Variants in HABP4 observed in about 807,000 individuals in gnomAD.
The protein encoded by HABP4 is hyaluronan binding protein 4.
A neutral mutation model predicts 44.1 loss-of-function variants in HABP4; 32 were observed. That is an observed-to-expected ratio of 0.73 (90% CI 0.55 to 0.97). The LOEUF is 0.97. Among genes scored for constraint, HABP4 ranks in the 50% least tolerant of loss-of-function variants. The pLI is 0.00. For missense variants in HABP4, 503 were observed against 561.9 expected, an observed-to-expected ratio of 0.90 and a Z score of 1.06; for synonymous variants, 216 against 218.0, an observed-to-expected ratio of 0.99 and a Z score of 0.08.
chr9:96,458,653 C>T (rs536723553), intron 2 of HABP4, 112 bp downstream of exon 2: 36 of 696,234 alleles, frequency 5.2e-5, no homozygotes, highest in African/African-American at 1.4e-4. Context: ...GAGACAGTTT[C>T]GCTCTTGTCG....
intron 5 of HABP4, among the ~76,000 whole-genome samples, chr9:96,481,742 C>A (rs1832883359): frequency 6.6e-6 from 1 of 151,876 alleles, no homozygotes. Flanking sequence ...TGAAACCCAG[C>A]CTGTATCAAA....
chr9:96,487,263 A>G (rs2131162003), intron 6 of HABP4, among the ~76,000 whole-genome samples: 1 of 147,728 alleles, frequency 6.8e-6, no homozygotes, highest in Non-Finnish European at 1.5e-5. Context: ...CTCATCTGAA[A>G]TCACTGACAT....
intron 1 of HABP4, among the ~76,000 whole-genome samples, chr9:96,454,913 A>G (rs1832348273): frequency 6.6e-6 from 1 of 152,146 alleles, no homozygotes; most frequent in Admixed American, 6.5e-5. Context: ...CTGGGGTTCA[A>G]GACCAGCCTG....
In HABP4 at chr9:96,450,626, C is replaced by G; in HGVS notation, c.347C>G (p.Pro116Arg). 1 of 1,263,906 alleles carries G rather than the reference C, an allele frequency of 7.9e-7. No individual in the cohort carries two copies. The highest frequency in any genetic ancestry group is 9.9e-7 in the Non-Finnish European group (1 of 1,005,304). The allele number at this position is 1,263,906 out of a possible 1,614,324, so 78.3% of individuals were successfully genotyped here. Reference protein sequence around the residue: ...PDSPGGGLQAPGQKRTPRRGE... With the variant: ...PDSPGGGLQARGQKRTPRRGE... The stretch of plus-strand genomic sequence containing the variant: ...AGCCCCGGGGGCGGCCTGCAGGCGC[C>G]GGGTACGCGGGGACAGCGGGGTTAG... The change falls in exon 1 of 8, where the codon CCG becomes CGG. Residue 116 changes from proline (P) to arginine (R), a missense_variant and splice_region_variant. Pro to Arg is a moderately radical substitution (Grantham distance 103, BLOSUM62 -2). Transcript: ENST00000375249. The surrounding 1 kb of genome is among the most constrained non-coding windows in gnomAD (Gnocchi z 4.8).
In HABP4 at chr9:96,485,802, G is replaced by T. The variant is rs1050797548; in HGVS notation, c.999+1169G>T. ...CGAGGTGGGAGTGAGCAGGTAGCAG[G>T]TTCTTCCTCTCTGTGGGGTATTAGT... On this transcript the variant is annotated intron_variant, in intron 6 of 7. Coordinates refer to ENST00000375249, the MANE Select transcript of HABP4 (RefSeq NM_014282.4). 1.2e-4 allele frequency among the ~76,000 whole-genome samples: 19 copies of T among 152,124 alleles called. 1 individual carries two copies. The highest frequency in any genetic ancestry group is 1.3e-4 in the Non-Finnish European group (9 of 68,034).
chr9:96,479,667 T>C (rs1159473435), intron 5 of HABP4, among the ~76,000 whole-genome samples: 2 of 151,970 alleles, frequency 1.3e-5, no homozygotes, highest in South Asian at 2.1e-4. Flanking sequence ...CCTGCCACCA[T>C]GCCCAGCTAA....
rs1427440442 is a variant in HABP4 at position 96,465,694 on chromosome 9, T to C, written c.675-16T>C. 6.4e-7 allele frequency: 1 copy of C among 1,556,846 alleles called. No homozygotes were observed. The highest frequency in any genetic ancestry group is 8.9e-7 in the Non-Finnish European group (1 of 1,127,894). Reference sequence around the variant, plus strand: ...GACTAGCTTCTGGTTTAAGGGACTATTCTTTCTTTCCGTAGAGCAGTCAGA... The same window carrying C: ...GACTAGCTTCTGGTTTAAGGGACTACTCTTTCTTTCCGTAGAGCAGTCAGA... On this transcript the variant is annotated splice_polypyrimidine_tract_variant and intron_variant, in intron 3 of 7. Coordinates refer to ENST00000375249, the MANE Select transcript of HABP4 (RefSeq NM_014282.4).
intron 1 of HABP4, among the ~76,000 whole-genome samples, chr9:96,455,350 G>T (rs543093853): frequency 1.3e-5 from 2 of 151,336 alleles, no homozygotes; most frequent in Admixed American, 6.6e-5. Context: ...TACCTGGGAG[G>T]CTGAGACTTG....
Position 96,490,214 on chromosome 9 carries a change from A to G in HABP4, c.*176A>G. 3.3e-6 allele frequency: 2 copies of G among 598,440 alleles called. No individual in the cohort carries two copies. Among genetic ancestry groups the G allele is most frequent in the African/African-American group, 3.7e-5 (2 of 53,908 alleles). 37.1% of individuals were successfully genotyped at this position (598,440 alleles called of 1,614,324 possible). ...AGAGGGGCTTCTCCAGAGGCTCGAG[A>G]GCAGGCCATTTCCCAAGAAGATGAA... On this transcript the variant is annotated 3_prime_UTR_variant, in exon 8 of 8. Coordinates refer to ENST00000375249, the MANE Select transcript of HABP4 (RefSeq NM_014282.4).
chr9:96,481,938 CT>C (rs112457385), intron 5 of HABP4, among the ~76,000 whole-genome samples: 32,289 of 141,948 alleles, frequency 0.23, 3,919 homozygotes, highest in African/African-American at 0.39. Flanking sequence ...ATCTCTAGAA[CT>C]TTTTTTTTTT....
intron 1 of HABP4, among the ~76,000 whole-genome samples, chr9:96,454,300 A>G (rs1026308162): frequency 1.3e-5 from 2 of 152,236 alleles, no homozygotes; most frequent in Non-Finnish European, 1.5e-5. Context: ...ACGCTGGGGT[A>G]AAAGTATGGA....
chr9:96,469,510 A>G (rs1832658500), intron 4 of HABP4, among the ~76,000 whole-genome samples: 1 of 152,190 alleles, frequency 6.6e-6, no homozygotes, highest in Non-Finnish European at 1.5e-5. Context: ...CTTTCTTCTG[A>G]TAAATCCAAC....
chr9:96,473,120 G>C (rs1387252185), intron 5 of HABP4, among the ~76,000 whole-genome samples: 4 of 152,092 alleles, frequency 2.6e-5, no homozygotes, highest in African/African-American at 9.7e-5. Flanking sequence ...GCACTTCTGT[G>C]ACTTAAATTG....
At chr9:96,473,992 C>T (rs1408426665) in intron 5 of HABP4, among the ~76,000 whole-genome samples, 2 of 152,128 alleles carry the variant, frequency 1.3e-5, no homozygotes, top group African/African-American at 4.8e-5. Flanking sequence ...GGAATAATAA[C>T]GTACCTACAT....
chr9:96,467,130 T>C (rs1408904838), intron 4 of HABP4, among the ~76,000 whole-genome samples: 2 of 151,718 alleles, frequency 1.3e-5, no homozygotes, highest in East Asian at 3.9e-4. Context: ...ACCACATTGG[T>C]CAGGCTGGTC....
rs535353414 is a variant in HABP4, at chr9:96,484,881, G to A, written c.999+248G>A. Among the ~76,000 whole-genome samples the A allele has an allele frequency of 3.0e-4, 46 of 152,136 alleles. No individual in the cohort carries two copies. The highest frequency in any genetic ancestry group is 7.7e-4 in the East Asian group (4 of 5,198). ...TCTTCTGCTCACCCTGGGACTATGC[G>A]GGTACTGTACACATACTGTGTATTA... On this transcript the variant is annotated intron_variant, in intron 6 of 7. Transcript: ENST00000375249.
At position 96,450,680 on chromosome 9, in the gene HABP4, TG is replaced by T. The variant is rs1415477793; in HGVS notation, c.349+56del. 1 of 1,218,898 alleles carries T rather than the reference TG, an allele frequency of 8.2e-7. No homozygotes were observed. Among genetic ancestry groups the T allele is most frequent in the Non-Finnish European group, 1.0e-6 (1 of 976,486 alleles). 75.5% of individuals were successfully genotyped at this position (1,218,898 alleles called of 1,614,324 possible). On this transcript the variant is annotated intron_variant, in intron 1 of 7. Transcript: ENST00000375249. This position sits in a 1 kb window ranked among gnomAD's most constrained non-coding sequence, Gnocchi z 4.8. Reference sequence around the variant, plus strand: ...ACCACGGCTCGGCCCGCTGTGAGACTGGGGTCCCGGGGGCCGGTTTCAGGAG... The same window carrying T: ...ACCACGGCTCGGCCCGCTGTGAGACTGGGTCCCGGGGGCCGGTTTCAGGAG...
At position 96,453,376 on chromosome 9, in the gene HABP4, AT is replaced by A. The variant is rs113870676; in HGVS notation, c.349+2754del. Reference sequence around the variant, plus strand: ...GGTGTGAGCTACTGTGCCTGGCCTAATTTTTTATATTTTTAATAGAGATGGG... The same window carrying A: ...GGTGTGAGCTACTGTGCCTGGCCTAATTTTTATATTTTTAATAGAGATGGG... On this transcript the variant is annotated intron_variant, in intron 1 of 7. Transcript: ENST00000375249. Among the ~76,000 whole-genome samples, 158 of 151,416 alleles carry A rather than the reference AT, an allele frequency of 1.0e-3. 1 individual carries two copies. Among genetic ancestry groups the A allele is most frequent in the African/African-American group, 3.6e-3 (150 of 41,220 alleles).
intron 5 of HABP4, among the ~76,000 whole-genome samples, chr9:96,474,701 T>A (rs1243677733): frequency 6.6e-6 from 1 of 152,250 alleles, no homozygotes; most frequent in African/African-American, 2.4e-5. Flanking sequence ...CAATTATAAT[T>A]TTTTGATACT....
Sources: allele counts gnomAD v4.1 joint callset (sites outside exome capture counted in the v4.1 genomes callset), GRCh38; gene constraint gnomAD v4.1.1; non-coding constraint Gnocchi (gnomAD v3.1); transcripts MANE v1.5; gene names NCBI Gene and HGNC (gene_info 2026-07-23, HGNC 2026-07-21).